Variants in SPIDR observed in about 807,000 individuals in gnomAD.
SPIDR encodes the protein DNA repair-scaffolding protein.
A neutral mutation model predicts 104.6 loss-of-function variants in SPIDR; 93 were observed. The ratio of observed to expected loss-of-function variants is 0.89; its 90% confidence interval spans 0.75 to 1.06. The LOEUF (loss-of-function observed/expected upper bound fraction) is 1.06. Among genes scored for constraint, SPIDR ranks in the 50% least tolerant of loss-of-function variants. The pLI, the probability that SPIDR is intolerant of heterozygous loss-of-function variation, is 0.00. For synonymous variants in SPIDR, 431 were observed against 416.9 expected, an observed-to-expected ratio of 1.03 and a Z score of -0.41; for missense variants, 1,154 against 1,111.2, an observed-to-expected ratio of 1.04 and a Z score of -0.55.
chr8:47,425,873 T>C (rs1195310693), intron 7 of SPIDR, among the ~76,000 whole-genome samples: 1 of 152,082 alleles, frequency 6.6e-6, no homozygotes, highest in Non-Finnish European at 1.5e-5. Context: ...TATTGAAATA[T>C]AAGAAACTAC....
intron 4 of SPIDR, among the ~76,000 whole-genome samples, chr8:47,291,562 C>T (rs2039908973): frequency 6.6e-6 from 1 of 152,182 alleles, no homozygotes; most frequent in African/African-American, 2.4e-5. Flanking sequence ...CTGAGTCCCA[C>T]CCTCTATGCT....
intron 8 of SPIDR, among the ~76,000 whole-genome samples, chr8:47,453,034 G>C (rs192695561): frequency 6.6e-6 from 1 of 152,084 alleles, no homozygotes; most frequent in Non-Finnish European, 1.5e-5. Flanking sequence ...CAAAATCAAT[G>C]TACAAAAATC....
At chr8:47,488,133 G>A (rs1381600219) in intron 8 of SPIDR, among the ~76,000 whole-genome samples, 1 of 151,960 alleles carries the variant, frequency 6.6e-6, no homozygotes, top group Admixed American at 6.6e-5. Flanking sequence ...AAAGAGAGAA[G>A]AATCAGATAG....
intron 10 of SPIDR, among the ~76,000 whole-genome samples, chr8:47,634,933 G>T (rs1563378937): frequency 6.6e-6 from 1 of 152,158 alleles, no homozygotes; most frequent in Non-Finnish European, 1.5e-5. Flanking sequence ...CATTTATCTG[G>T]CTGTAATGAT....
At chr8:47,490,048 C>A (rs2078408356) in intron 8 of SPIDR, among the ~76,000 whole-genome samples, 1 of 152,118 alleles carries the variant, frequency 6.6e-6, no homozygotes, top group South Asian at 2.1e-4. Context: ...AAGAAACTAC[C>A]ATCAGAGTGA....
intron 16 of SPIDR, among the ~76,000 whole-genome samples, chr8:47,718,125 G>A (rs4873619): frequency 0.44 from 67,271 of 152,030 alleles, 18,335 homozygotes; most frequent in East Asian, 0.65. Context: ...CTTGTAGCCG[G>A]GATCTGTGCT....
chr8:47,538,980 C>G (rs1319159928), intron 8 of SPIDR, among the ~76,000 whole-genome samples: 2 of 151,276 alleles, frequency 1.3e-5, no homozygotes, highest in African/African-American at 4.8e-5. Context: ...CCTGCCCCAG[C>G]CTCCCAAGTA....
chr8:47,623,104 A>G (rs1236333425), intron 10 of SPIDR, among the ~76,000 whole-genome samples: 2 of 152,180 alleles, frequency 1.3e-5, no homozygotes, highest in African/African-American at 4.8e-5. Flanking sequence ...TAAAATGAGG[A>G]TCATCTCTTT....
chr8:47,285,271 A>T lies in SPIDR; in HGVS notation c.256+1177A>T, dbSNP rs1019265238. Reference sequence around the variant, plus strand: ...AAACCATGTTACTATTTCAAGTGACATGGAAGAGGTTCTATGCAAATGAAA... The same window carrying T: ...AAACCATGTTACTATTTCAAGTGACTTGGAAGAGGTTCTATGCAAATGAAA... On this transcript the variant is annotated intron_variant, in intron 3 of 19. Transcript: ENST00000297423. Among the ~76,000 whole-genome samples, 109 of 152,240 alleles carry T rather than the reference A, an allele frequency of 7.2e-4. 1 individual carries two copies. Among genetic ancestry groups the T allele is most frequent in the Non-Finnish European group, 2.2e-4 (15 of 68,046 alleles).
chr8:47,305,449 C>T (rs2042935969), intron 5 of SPIDR, among the ~76,000 whole-genome samples: 1 of 151,856 alleles, frequency 6.6e-6, no homozygotes, highest in Admixed American at 6.6e-5. Flanking sequence ...TTTTATGAAA[C>T]AGATATTTTG....
chr8:47,405,387 C>T (rs1325088482), intron 6 of SPIDR, among the ~76,000 whole-genome samples: 1 of 151,180 alleles, frequency 6.6e-6, no homozygotes, highest in Non-Finnish European at 1.5e-5. Flanking sequence ...CACATGTATT[C>T]CAGAACTTAA....
intron 1 of SPIDR, among the ~76,000 whole-genome samples, chr8:47,272,716 C>G (rs1015446704): frequency 6.6e-6 from 1 of 152,042 alleles, no homozygotes; most frequent in Non-Finnish European, 1.5e-5. Flanking sequence ...CTTAGTTCAG[C>G]TAAAATCTGG....
intron 5 of SPIDR, among the ~76,000 whole-genome samples, chr8:47,382,557 A>G (rs1042301702): frequency 6.6e-6 from 1 of 151,966 alleles, no homozygotes; most frequent in African/African-American, 2.4e-5. Context: ...GGACTACAGG[A>G]GTGCACCACC....
At chr8:47,350,098 T>C (rs2053162397) in intron 5 of SPIDR, among the ~76,000 whole-genome samples, 1 of 152,254 alleles carries the variant, frequency 6.6e-6, no homozygotes, top group Admixed American at 6.5e-5. Flanking sequence ...TTCAGCCATC[T>C]TGGAATGATC....
intron 11 of SPIDR, among the ~76,000 whole-genome samples, chr8:47,693,059 G>A (rs898230322): frequency 1.3e-5 from 2 of 152,164 alleles, no homozygotes; most frequent in Non-Finnish European, 2.9e-5. Context: ...GAGTCTTAAG[G>A]TTTCCATGGC....
chr8:47,403,865 A>AT (rs2062302382), intron 6 of SPIDR, among the ~76,000 whole-genome samples: 1 of 152,224 alleles, frequency 6.6e-6, no homozygotes, highest in African/African-American at 2.4e-5. Context: ...CAAAGTTCAT[A>AT]TGGAACCAAA....
intron 8 of SPIDR, among the ~76,000 whole-genome samples, chr8:47,484,298 T>C (rs1216046914): frequency 1.3e-5 from 2 of 152,260 alleles, no homozygotes; most frequent in Admixed American, 6.5e-5. Context: ...TTAAGGGCTT[T>C]ATACATATCA....
intron 5 of SPIDR, among the ~76,000 whole-genome samples, chr8:47,314,821 AT>A (rs764453579): frequency 9.5e-4 from 144 of 152,336 alleles, no homozygotes; most frequent in Admixed American, 1.7e-3. Context: ...TTGAAAATAG[AT>A]TAAGTGTTTT....
intron 8 of SPIDR, among the ~76,000 whole-genome samples, chr8:47,529,274 C>T (rs947743852): frequency 4.0e-5 from 6 of 151,832 alleles, no homozygotes; most frequent in East Asian, 1.9e-4. Flanking sequence ...AAAAATTAAC[C>T]GGGCATGGTG....
Sources: gnomAD v4.1 joint callset for allele counts (sites outside exome capture counted in the v4.1 genomes callset) on GRCh38, gnomAD v4.1.1 for gene constraint, MANE v1.5 for transcripts, NCBI Gene and HGNC (gene_info 2026-07-23, HGNC 2026-07-21) for gene names.